The following MSI2 variants were observed in gnomAD, a reference collection of about 807,000 sequenced individuals.
The protein encoded by MSI2 is RNA-binding protein Musashi homolog 2.
In MSI2, 17 loss-of-function variants were observed where a neutral mutation model predicts 45.6. The observed-to-expected ratio is 0.37, with a 90% confidence interval of 0.26 to 0.56. The LOEUF is 0.56. Among genes scored for constraint, MSI2 ranks in the 20% least tolerant of loss-of-function variants. MSI2 has a pLI of 0.77. For synonymous variants in MSI2, 156 were observed against 158.2 expected, an observed-to-expected ratio of 0.99 and a Z score of 0.11; for missense variants, 293 against 444.2, an observed-to-expected ratio of 0.66 and a Z score of 3.06.
At chr17:57,518,792 T>A (rs1042237819) in intron 6 of MSI2, among the ~76,000 whole-genome samples, 1 of 152,174 alleles carries the variant, frequency 6.6e-6, no homozygotes, top group Non-Finnish European at 1.5e-5. Flanking sequence ...CAATCAGTGC[T>A]GAACACGGGC....
chr17:57,664,527 GA>G (rs946822552), intron 11 of MSI2, among the ~76,000 whole-genome samples: 3 of 149,614 alleles, frequency 2.0e-5, no homozygotes, highest in African/African-American at 4.9e-5. Context: ...CAAAAAAGGG[GA>G]AAAAAAAAGA....
the MSI2 span, among the ~76,000 whole-genome samples, chr17:57,696,581 A>G: frequency 6.6e-6 from 1 of 152,238 alleles, no homozygotes; most frequent in Non-Finnish European, 1.5e-5. Context: ...CAAAAAAATT[A>G]AAAATTAATC....
intron 10 of MSI2, among the ~76,000 whole-genome samples, chr17:57,638,171 A>G (rs547959007): frequency 7.9e-5 from 12 of 152,332 alleles, no homozygotes; most frequent in Admixed American, 7.2e-4. Context: ...AGCAGAAGGC[A>G]AAGATGTGTC....
intron 8 of MSI2, among the ~76,000 whole-genome samples, chr17:57,610,157 G>GA (rs946522273): frequency 2.6e-5 from 4 of 151,400 alleles, no homozygotes; most frequent in East Asian, 1.9e-4. Flanking sequence ...CTCTCAAATG[G>GA]AAAAAAAAAT....
At chr17:57,409,003 C>G (rs527410257) in intron 6 of MSI2, among the ~76,000 whole-genome samples, 2 of 151,892 alleles carry the variant, frequency 1.3e-5, no homozygotes, top group East Asian at 3.9e-4. Flanking sequence ...CTCTGTAGAC[C>G]GGCCAGATTT....
At chr17:57,642,486 G>A (rs1177353302) in intron 10 of MSI2, among the ~76,000 whole-genome samples, 1 of 152,182 alleles carries the variant, frequency 6.6e-6, no homozygotes, top group East Asian at 1.9e-4. Flanking sequence ...CCAACCTAGA[G>A]GGGTCCAAAG....
intron 7 of MSI2, among the ~76,000 whole-genome samples, chr17:57,583,488 CTTTTTTTTT>C (rs5821192): frequency 2.4e-4 from 24 of 98,044 alleles, no homozygotes; most frequent in African/African-American, 8.5e-4. Flanking sequence ...CCCAATGTTT[CTTTTTTTTT>C]TTTTTTTTTT....
chr17:57,461,691 A>C (rs977354044), intron 6 of MSI2, among the ~76,000 whole-genome samples: 3 of 152,000 alleles, frequency 2.0e-5, no homozygotes, highest in Non-Finnish European at 4.4e-5. Context: ...GTGAGCCACC[A>C]CACCGGCTAA....
At chr17:57,257,279 A>C in intron 2 of MSI2, 141 bp downstream of exon 2, 1 of 563,694 alleles carries the variant, frequency 1.8e-6, no homozygotes, top group Non-Finnish European at 2.9e-6. Context: ...TTTAAATAGC[A>C]AATCCTTTCT....
intron 7 of MSI2, among the ~76,000 whole-genome samples, chr17:57,579,144 T>C (rs1419479371): frequency 6.6e-6 from 1 of 152,192 alleles, no homozygotes; most frequent in African/African-American, 2.4e-5. Context: ...TGAATTTGGA[T>C]ATAATAAAGG....
At chr17:57,356,311 ATCT>A (rs899956698) in intron 5 of MSI2, among the ~76,000 whole-genome samples, 7 of 152,042 alleles carry the variant, frequency 4.6e-5, no homozygotes, top group Admixed American at 3.3e-4. Flanking sequence ...CTTCATTTTT[ATCT>A]TCTTGATAAC....
chr17:57,474,756 T>A (rs1270696785), intron 6 of MSI2, among the ~76,000 whole-genome samples: 2 of 152,134 alleles, frequency 1.3e-5, no homozygotes, highest in African/African-American at 2.4e-5. Context: ...TCTTGCTCTG[T>A]CTTCCAGGCT....
intron 7 of MSI2, among the ~76,000 whole-genome samples, chr17:57,577,361 C>T (rs994062210): frequency 1.3e-5 from 2 of 152,164 alleles, no homozygotes; most frequent in African/African-American, 4.8e-5. Context: ...GGGCCAGGGA[C>T]CACTTTGCAA....
chr17:57,392,573 A>T (rs1413325311), intron 5 of MSI2, among the ~76,000 whole-genome samples: 1 of 152,200 alleles, frequency 6.6e-6, no homozygotes, highest in African/African-American at 2.4e-5. Flanking sequence ...TTGTAGCTTG[A>T]ACCCTGGTGC....
At chr17:57,613,770 G>A (rs1434165276) in intron 8 of MSI2, among the ~76,000 whole-genome samples, 1 of 152,012 alleles carries the variant, frequency 6.6e-6, no homozygotes, top group Non-Finnish European at 1.5e-5. Context: ...TGTCTGTTTT[G>A]GGATGCTCAT....
chr17:57,340,960 G>A lies in MSI2; in HGVS notation c.313-60419G>A, dbSNP rs545109079. On this transcript the variant is annotated intron_variant, in intron 5 of 13. Coordinates refer to ENST00000284073, the MANE Select transcript of MSI2 (RefSeq NM_138962.4). ...TCAGCAGGAATACAGGTTCACCTCC[G>A]ACCTGGGATCTGCATTGCTCCCCCG... Among the ~76,000 whole-genome samples the A allele has an allele frequency of 6.6e-5, 10 of 152,286 alleles. No individual in the cohort carries two copies. The East Asian group carries it at 1.4e-3, about 21-fold the overall frequency.
chr17:57,686,941 G>C (rs1035164582), downstream of MSI2, among the ~76,000 whole-genome samples: 1 of 151,818 alleles, frequency 6.6e-6, no homozygotes, highest in Non-Finnish European at 1.5e-5. Context: ...TCTTCGAATA[G>C]AGTTTGCACA....
intron 5 of MSI2, among the ~76,000 whole-genome samples, chr17:57,296,878 G>A (rs1911003147): frequency 6.6e-6 from 1 of 152,036 alleles, no homozygotes; most frequent in African/African-American, 2.4e-5. Context: ...AAATATTAAG[G>A]CTTTTTTGTT....
intron 6 of MSI2, among the ~76,000 whole-genome samples, chr17:57,477,434 T>C (rs1567847392): frequency 6.6e-6 from 1 of 152,138 alleles, no homozygotes; most frequent in Non-Finnish European, 1.5e-5. Flanking sequence ...CCTGCGCTGC[T>C]CCTGAAATGG....
Sources: gnomAD v4.1 joint callset for allele counts (sites outside exome capture counted in the v4.1 genomes callset) on GRCh38, gnomAD v4.1.1 for gene constraint, MANE v1.5 for transcripts, NCBI Gene and HGNC (gene_info 2026-07-23, HGNC 2026-07-21) for gene names.